The following SENP7 variants were observed in gnomAD, a reference collection of about 807,000 sequenced individuals.
SENP7 encodes SUMO specific peptidase 7.
In SENP7, 64 loss-of-function variants were observed where a neutral mutation model predicts 141.2. The ratio of observed to expected loss-of-function variants is 0.45; its 90% CI spans 0.37 to 0.56. The LOEUF is 0.56. SENP7 is among the 20% of genes least tolerant of loss of function. The pLI, the probability that SENP7 is intolerant of heterozygous loss-of-function variation, is 0.00. For synonymous variants in SENP7, 382 were observed against 426.4 expected (o/e 0.90, Z 1.28); for missense variants, 1,025 against 1,212.2 (o/e 0.85, Z 2.29).
rs778689366 is a variant in SENP7, at chr3:101,340,134, CCTT to C, written c.2315_2317del (p.Glu772del). On this transcript the variant is annotated inframe_deletion, in exon 16 of 24. Coordinates refer to ENST00000394095, the MANE Select transcript of SENP7 (RefSeq NM_020654.5). ...AATGATTACATCATTAAGAAACTCTCCTTCTTCTAAACACTCCAGATCTTCATT... is the reference window on the plus strand; with the variant it reads ...AATGATTACATCATTAAGAAACTCTCCTTCTAAACACTCCAGATCTTCATT... The C allele has an allele frequency of 1.3e-6, 2 of 1,598,712 alleles. No individual in the cohort carries two copies. Among genetic ancestry groups the C allele is most frequent in the Admixed American group, 1.8e-5 (1 of 56,368 alleles).
chr3:101,387,849 G>A (rs2060703675), intron 6 of SENP7, among the ~76,000 whole-genome samples: 1 of 152,224 alleles, frequency 6.6e-6, no homozygotes, highest in African/African-American at 2.4e-5. Flanking sequence ...ATGAGCACAT[G>A]TATTGTCAGG....
At chr3:101,392,299 G>A (rs761619573) in intron 6 of SENP7, among the ~76,000 whole-genome samples, 1 of 152,068 alleles carries the variant, frequency 6.6e-6, no homozygotes, top group Non-Finnish European at 1.5e-5. Flanking sequence ...CAGATGACAT[G>A]ACCATACATA....
At chr3:101,339,798 G>A (rs1344001805) in intron 16 of SENP7, among the ~76,000 whole-genome samples, 1 of 151,170 alleles carries the variant, frequency 6.6e-6, no homozygotes, top group African/African-American at 2.4e-5. Context: ...TAATTTGTAA[G>A]TAACTTCTTT....
chr3:101,357,265 T>G, intron 11 of SENP7: 1 of 481,868 alleles, frequency 2.1e-6, no homozygotes, highest in South Asian at 2.3e-5. Flanking sequence ...CCTCCCAAAG[T>G]GCTGAGATTA....
At chr3:101,454,935 C>G (rs1309479246) in intron 4 of SENP7, among the ~76,000 whole-genome samples, 1 of 152,044 alleles carries the variant, frequency 6.6e-6, no homozygotes, top group Non-Finnish European at 1.5e-5. Flanking sequence ...GCTCACAATT[C>G]TGTAAATATA....
Position 101,347,898 on chromosome 3 carries a change from A to AATTGGGT in SENP7, c.1804_1810dup (p.Leu604TyrfsTer15), listed in dbSNP as rs1473469547. On this transcript the variant is annotated frameshift_variant, in exon 13 of 24. Transcript: ENST00000394095. LOFTEE classifies it high-confidence loss of function. Reference sequence around the variant, plus strand: ...TTGCTGGCTTAATACAGAGTGTTCTAATTGGGTCTGAATCTCTTGAAGATA... The same window carrying AATTGGGT: ...TTGCTGGCTTAATACAGAGTGTTCTAATTGGGTATTGGGTCTGAATCTCTTGAAGATA... The AATTGGGT allele has an allele frequency of 6.3e-7, 1 of 1,593,534 alleles. No homozygotes were observed. The highest frequency in any genetic ancestry group is 8.6e-7 in the Non-Finnish European group (1 of 1,167,540).
intron 4 of SENP7, among the ~76,000 whole-genome samples, chr3:101,450,404 A>G (rs144617183): frequency 3.1e-4 from 47 of 152,348 alleles, no homozygotes; most frequent in African/African-American, 1.0e-3. Context: ...AATCAACAGA[A>G]TATACATTCT....
At chr3:101,401,929 A>G (rs2061155244) in intron 5 of SENP7, among the ~76,000 whole-genome samples, 2 of 151,276 alleles carry the variant, frequency 1.3e-5, no homozygotes. Context: ...GGCTGTAGTG[A>G]GCCATGATGA....
intron 3 of SENP7, among the ~76,000 whole-genome samples, chr3:101,487,319 G>T (rs142338804): frequency 2.0e-5 from 3 of 151,864 alleles, no homozygotes; most frequent in Admixed American, 2.0e-4. Flanking sequence ...TTTTAATAAG[G>T]TTATTGGTTT....
intron 3 of SENP7, among the ~76,000 whole-genome samples, chr3:101,482,132 A>G (rs1433786702): frequency 1.3e-5 from 2 of 151,972 alleles, no homozygotes; most frequent in African/African-American, 4.8e-5. Context: ...AACAAGGTGA[A>G]ACCCTGTCTC....
At position 101,359,472 on chromosome 3, in the gene SENP7, T is replaced by C. The variant is rs1169806422; in HGVS notation, c.1623+2243A>G. ...TTGACTTCCTCTCCTCCAATTTGAA[T>C]GTACTTTCTTTCTTTCTCTTGCCTG... On this transcript the variant is annotated intron_variant, in intron 11 of 23. Coordinates refer to ENST00000394095, the MANE Select transcript of SENP7 (RefSeq NM_020654.5). Among the ~76,000 whole-genome samples, 3 of 151,470 alleles carry C rather than the reference T, an allele frequency of 2.0e-5. No homozygotes were observed. The South Asian group carries it at 6.2e-4, about 31-fold the overall frequency.
chr3:101,489,909 G>T (rs1213726468), intron 3 of SENP7, among the ~76,000 whole-genome samples: 1 of 152,198 alleles, frequency 6.6e-6, no homozygotes, highest in Non-Finnish European at 1.5e-5. Flanking sequence ...CCCAGGCCGG[G>T]CACAGTGGTT....
intron 11 of SENP7, among the ~76,000 whole-genome samples, chr3:101,353,004 G>A (rs1057342149): frequency 6.6e-6 from 1 of 151,924 alleles, no homozygotes. Flanking sequence ...TAGTAAGTAG[G>A]TAAACTTAGG....
chr3:101,401,808 C>T (rs1487643917), intron 5 of SENP7, among the ~76,000 whole-genome samples: 1 of 151,864 alleles, frequency 6.6e-6, no homozygotes, highest in Non-Finnish European at 1.5e-5. Context: ...CATAGTGAGA[C>T]CCTGTCTCTA....
At chr3:101,431,893 G>C (rs1408173240) in intron 4 of SENP7, among the ~76,000 whole-genome samples, 1 of 152,148 alleles carries the variant, frequency 6.6e-6, no homozygotes, top group Non-Finnish European at 1.5e-5. Flanking sequence ...TGAAAGAAAA[G>C]GAGTTATCTT....
At chr3:101,510,425 G>A (rs1407105528) in intron 1 of SENP7, among the ~76,000 whole-genome samples, 1 of 152,212 alleles carries the variant, frequency 6.6e-6, no homozygotes, top group African/African-American at 2.4e-5. Context: ...GCAGCCTAAT[G>A]TAGTCTCACA....
intron 5 of SENP7, among the ~76,000 whole-genome samples, chr3:101,416,426 T>C (rs1056676175): frequency 1.3e-5 from 2 of 152,174 alleles, no homozygotes; most frequent in South Asian, 2.1e-4. Context: ...TAAAGGTTCC[T>C]TTCAAAAGAG....
intron 3 of SENP7, among the ~76,000 whole-genome samples, chr3:101,485,025 G>A (rs1386780787): frequency 6.6e-6 from 1 of 151,826 alleles, no homozygotes; most frequent in Non-Finnish European, 1.5e-5. Flanking sequence ...ACTCAGCAAA[G>A]GCAGCCATAA....
chr3:101,473,076 C>A (rs2064071615), intron 3 of SENP7, among the ~76,000 whole-genome samples: 1 of 151,668 alleles, frequency 6.6e-6, no homozygotes, highest in African/African-American at 2.4e-5. Context: ...GTCCCTGCAA[C>A]AGACATGATC....
Sources: allele counts gnomAD v4.1 joint callset (sites outside exome capture counted in the v4.1 genomes callset), GRCh38; gene constraint gnomAD v4.1.1; transcripts MANE v1.5; gene names NCBI Gene and HGNC (gene_info 2026-07-23, HGNC 2026-07-21).